The following OPRM1 variants were observed in gnomAD, a reference collection of about 807,000 sequenced individuals.
OPRM1 encodes opioid receptor mu 1.
In OPRM1, 27 loss-of-function variants were observed where a neutral mutation model predicts 31.8. The observed-to-expected ratio is 0.85, with a 90% CI of 0.63 to 1.17. The LOEUF is 1.17. OPRM1 is among the 50% of genes most tolerant of loss of function. The probability of loss-of-function intolerance (pLI) is 0.00; values close to 1 mark genes in which losing one functional copy is unlikely to be tolerated. For synonymous variants in OPRM1, 196 were observed against 189.9 expected, an observed-to-expected ratio of 1.03 and a Z score of -0.26; for missense variants, 536 against 511.1, an observed-to-expected ratio of 1.05 and a Z score of -0.47.
In OPRM1 at chr6:154,128,889, G is replaced by A. The variant is rs1562497650; in HGVS notation, c.*10168G>A. Among the ~76,000 whole-genome samples the A allele has an allele frequency of 6.6e-6, 1 of 152,142 alleles. No individual in the cohort carries two copies. Among genetic ancestry groups the A allele is most frequent in the Non-Finnish European group, 1.5e-5 (1 of 68,030 alleles). On this transcript the variant is annotated 3_prime_UTR_variant, in exon 4 of 4. Transcript: ENST00000330432. ...GCACAGAGATCTTTGTAAAAAACAG[G>A]AAATTAATGTTAAATTGGATCTATA...
chr6:154,076,124 T>C (rs899280507), intron 1 of OPRM1, among the ~76,000 whole-genome samples: 2 of 152,218 alleles, frequency 1.3e-5, no homozygotes, highest in African/African-American at 4.8e-5. Context: ...ATGTATTATT[T>C]TTACAAAGTT....
chr6:154,069,012 A>G (rs1786067893), intron 1 of OPRM1, among the ~76,000 whole-genome samples: 1 of 152,134 alleles, frequency 6.6e-6, no homozygotes, highest in African/African-American at 2.4e-5. Context: ...CTTTTGAGAC[A>G]TGTCCATGCA....
intron 3 of OPRM1, among the ~76,000 whole-genome samples, chr6:154,172,462 C>T (rs9479775): frequency 2.0e-5 from 3 of 152,146 alleles, no homozygotes; most frequent in African/African-American, 7.2e-5. Flanking sequence ...CCACAGTCTT[C>T]GCAACCAGCA....
At position 154,122,081 on chromosome 6, in the gene OPRM1, C is replaced by T. The variant is rs77901691; in HGVS notation, c.*3360C>T. Reference sequence around the variant, plus strand: ...ACTATCCGTTGTGGTTTTACAAATTCTAGAGGGTTCTAGCCAAAGCAACCT... The same window carrying T: ...ACTATCCGTTGTGGTTTTACAAATTTTAGAGGGTTCTAGCCAAAGCAACCT... On this transcript the variant is annotated 3_prime_UTR_variant, in exon 4 of 4. Transcript: ENST00000330432. Among the ~76,000 whole-genome samples the T allele has an allele frequency of 9.9e-4, 151 of 152,276 alleles. No homozygotes were observed. The highest frequency in any genetic ancestry group is 3.6e-3 in the African/African-American group (148 of 41,566).
rs1797259297 is a variant in OPRM1 at position 154,120,848 on chromosome 6, T to G, written c.*2127T>G. Among the ~76,000 whole-genome samples the G allele has an allele frequency of 6.6e-6, 1 of 152,200 alleles. No individual in the cohort carries two copies. Among genetic ancestry groups the G allele is most frequent in the Non-Finnish European group, 1.5e-5 (1 of 68,024 alleles). ...TTCAAGTAGGACCTGATCTATCTTT[T>G]TCCACAAATGTCATGTGTGTGAACA... On this transcript the variant is annotated 3_prime_UTR_variant, in exon 4 of 4. Transcript: ENST00000330432.
At chr6:154,061,260 T>TC (rs1455025704) in intron 1 of OPRM1, among the ~76,000 whole-genome samples, 1 of 152,090 alleles carries the variant, frequency 6.6e-6, no homozygotes, top group African/African-American at 2.4e-5. Context: ...TAGAACAAAT[T>TC]TGGAATAATT....
At chr6:154,033,257 T>C (rs1779109531) in intron 1 of OPRM1, among the ~76,000 whole-genome samples, 1 of 152,062 alleles carries the variant, frequency 6.6e-6, no homozygotes, top group Non-Finnish European at 1.5e-5. Context: ...CTAAAGTCCT[T>C]GGAAATAAAG....
At chr6:154,138,985 T>A (rs1798131685) in intron 3 of OPRM1, among the ~76,000 whole-genome samples, 1 of 152,204 alleles carries the variant, frequency 6.6e-6, no homozygotes, top group African/African-American at 2.4e-5. Context: ...GCAAGAAGAC[T>A]GGGACACCCC....
At chr6:154,074,673 T>C (rs992015176) in intron 1 of OPRM1, among the ~76,000 whole-genome samples, 2 of 151,986 alleles carry the variant, frequency 1.3e-5, no homozygotes, top group Non-Finnish European at 2.9e-5. Flanking sequence ...GGCAGGAGAA[T>C]TGCTTGAACC....
In OPRM1 at chr6:154,071,553, T is replaced by TA. The variant is rs1336975734; in HGVS notation, c.291-18273_291-18272insA. ...AACCCCCAGGAATATCCCTGTAGTT[T>TA]TAAAAAAAAAATAGGTGTATTGATC... On this transcript the variant is annotated intron_variant, in intron 1 of 3. Coordinates refer to ENST00000330432, the MANE Select transcript of OPRM1 (RefSeq NM_000914.5). 4.5e-3 allele frequency among the ~76,000 whole-genome samples: 677 copies of TA among 150,602 alleles called. 6 individuals are homozygous for TA. The highest frequency in any genetic ancestry group is 0.016 in the African/African-American group (642 of 40,282).
rs547851420 is a variant in OPRM1 at position 154,130,390 on chromosome 6, G to T, written c.*11669G>T. Among the ~76,000 whole-genome samples, 2 of 151,914 alleles carry T rather than the reference G, an allele frequency of 1.3e-5. No individual in the cohort carries two copies. The highest frequency in any genetic ancestry group is 4.8e-5 in the African/African-American group (2 of 41,370). ...TCACCACGTTAGCCAGGATGGTTTC[G>T]ATCTCCTGACCTCGTGATCTGCCTG... On this transcript the variant is annotated 3_prime_UTR_variant, in exon 4 of 4. Transcript: ENST00000330432.
rs1414592534 is a variant in OPRM1, at chr6:154,122,151, C to T, written c.*3430C>T. Among the ~76,000 whole-genome samples, 2 of 152,044 alleles carry T rather than the reference C, an allele frequency of 1.3e-5. No homozygotes were observed. The highest frequency in any genetic ancestry group is 4.8e-5 in the African/African-American group (2 of 41,406). ...TTAAGTTTTTCAGCTTCTTAACTGGCCACACACACACAAGTTGTGTTTGTA... is the reference window on the plus strand; with the variant it reads ...TTAAGTTTTTCAGCTTCTTAACTGGTCACACACACACAAGTTGTGTTTGTA... On this transcript the variant is annotated 3_prime_UTR_variant, in exon 4 of 4. Transcript: ENST00000330432.
intron 1 of OPRM1, among the ~76,000 whole-genome samples, chr6:154,042,262 T>C (rs1469744951): frequency 2.0e-5 from 3 of 152,154 alleles, no homozygotes. Flanking sequence ...CTGAAGCAAG[T>C]ATGTCTATTT....
chr6:154,152,347 G>GAAAAA, intron 3 of OPRM1, among the ~76,000 whole-genome samples: 1 of 65,132 alleles, frequency 1.5e-5, no homozygotes, highest in South Asian at 6.4e-4. Flanking sequence ...AAGAAAGAAA[G>GAAAAA]GAAAGAAAGA....
intron 1 of OPRM1, among the ~76,000 whole-genome samples, chr6:154,063,895 T>C (rs1784860530): frequency 6.6e-6 from 1 of 152,158 alleles, no homozygotes; most frequent in Non-Finnish European, 1.5e-5. Context: ...GTTTATTTAT[T>C]CATCTATTGA....
intron 1 of OPRM1, among the ~76,000 whole-genome samples, chr6:154,020,238 T>A (rs1216114125): frequency 1.3e-5 from 2 of 152,206 alleles, no homozygotes; most frequent in Non-Finnish European, 2.9e-5. Context: ...GATTATGGGA[T>A]TGCATGGTAA....
chr6:154,109,792 C>CTCTCTCTGTGTGTG (rs1358444421), intron 3 of OPRM1, among the ~76,000 whole-genome samples: 5 of 101,198 alleles, frequency 4.9e-5, no homozygotes, highest in African/African-American at 1.9e-4. Flanking sequence ...CTCTCTCTCT[C>CTCTCTCTGTGTGTG]TGTGTGTGTG....
chr6:154,218,232 TGGA>T (rs755680903), intron 3 of OPRM1, among the ~76,000 whole-genome samples: 18 of 152,188 alleles, frequency 1.2e-4, no homozygotes, highest in Non-Finnish European at 2.6e-4. Flanking sequence ...ATGTGTGTGT[TGGA>T]GGAGAACAAG....
chr6:154,067,153 TTTAG>T (rs1785596680), intron 1 of OPRM1, among the ~76,000 whole-genome samples: 1 of 152,108 alleles, frequency 6.6e-6, no homozygotes, highest in Non-Finnish European at 1.5e-5. Context: ...TCTATTTTTT[TTTAG>T]TTTCTATTTC....
Sources: gnomAD v4.1 joint callset for allele counts (sites outside exome capture counted in the v4.1 genomes callset) on GRCh38, gnomAD v4.1.1 for gene constraint, MANE v1.5 for transcripts, NCBI Gene and HGNC (gene_info 2026-07-23, HGNC 2026-07-21) for gene names.